Variants in ASTN2 observed in about 807,000 individuals in gnomAD.
ASTN2 encodes the protein astrotactin 2, also known as astrotactin-2.
ASTN2 carries 54 observed loss-of-function variants against 139.8 expected under a neutral mutation model. The observed-to-expected ratio is 0.39, with a 90% CI of 0.31 to 0.48. ASTN2 has a LOEUF of 0.48. ASTN2 is among the 20% of genes least tolerant of loss of function. The pLI is 0.95. For synonymous variants in ASTN2, 756 were observed against 719.5 expected (o/e 1.05, Z -0.81); for missense variants, 1,565 against 1,725.1 (o/e 0.91, Z 1.64).
chr9:116,903,632 T>C (rs1295443165), intron 10 of ASTN2, among the ~76,000 whole-genome samples: 1 of 152,200 alleles, frequency 6.6e-6, no homozygotes, highest in Non-Finnish European at 1.5e-5. Flanking sequence ...CCTCCTCTTC[T>C]GGATATGAGA....
chr9:117,305,328 G>A (rs1464897474), intron 1 of ASTN2, among the ~76,000 whole-genome samples: 1 of 152,170 alleles, frequency 6.6e-6, no homozygotes, highest in African/African-American at 2.4e-5. Flanking sequence ...AATGTTCCCT[G>A]TGCAAAAGTC....
chr9:116,809,249 T>C (rs1342133262), intron 12 of ASTN2, among the ~76,000 whole-genome samples: 2 of 152,218 alleles, frequency 1.3e-5, no homozygotes, highest in African/African-American at 2.4e-5. Context: ...TTAATATGCA[T>C]GGCATTTAGT....
intron 13 of ASTN2, among the ~76,000 whole-genome samples, chr9:116,762,395 A>C (rs2132170078): frequency 6.6e-6 from 1 of 152,224 alleles, no homozygotes; most frequent in East Asian, 1.9e-4. Context: ...ACTAATTTGG[A>C]TAATTGACAC....
At chr9:116,940,508 G>A (rs1268157100) in intron 10 of ASTN2, among the ~76,000 whole-genome samples, 1 of 152,080 alleles carries the variant, frequency 6.6e-6, no homozygotes, top group African/African-American at 2.4e-5. Flanking sequence ...TAATGTGTGT[G>A]TTCATATCTT....
chr9:117,204,857 G>A (rs1220562358), intron 3 of ASTN2, among the ~76,000 whole-genome samples: 2 of 152,172 alleles, frequency 1.3e-5, no homozygotes, highest in African/African-American at 4.8e-5. Context: ...AAATATATAG[G>A]AAGATGTTTT....
intron 13 of ASTN2, among the ~76,000 whole-genome samples, chr9:116,801,955 G>A (rs1830871142): frequency 6.6e-6 from 1 of 152,118 alleles, no homozygotes; most frequent in Admixed American, 6.6e-5. Flanking sequence ...ATCCAGGGTT[G>A]AGAAGTTGGA....
intron 6 of ASTN2, among the ~76,000 whole-genome samples, chr9:117,036,971 G>A (rs561270030): frequency 1.5e-4 from 23 of 152,172 alleles, no homozygotes; most frequent in African/African-American, 5.5e-4. Context: ...ATCTGCCTTA[G>A]TTTTCCTTGA....
chr9:117,263,798 A>G (rs1323804523), intron 2 of ASTN2, among the ~76,000 whole-genome samples: 1 of 152,190 alleles, frequency 6.6e-6, no homozygotes, highest in African/African-American at 2.4e-5. Context: ...TAACACTACA[A>G]CTGAGCACAG....
chr9:117,027,085 G>T (rs1838110058), intron 6 of ASTN2, among the ~76,000 whole-genome samples: 1 of 152,152 alleles, frequency 6.6e-6, no homozygotes, highest in African/African-American at 2.4e-5. Context: ...ATTTAACAAG[G>T]AGACTCGACT....
intron 13 of ASTN2, among the ~76,000 whole-genome samples, chr9:116,775,149 G>T (rs750956449): frequency 1.4e-4 from 21 of 152,110 alleles, no homozygotes; most frequent in Non-Finnish European, 2.5e-4. Flanking sequence ...CAGTCCTGAA[G>T]GGTGGATATG....
At chr9:117,197,018 C>T (rs1196270075) in intron 3 of ASTN2, 2 of 152,152 alleles carry the variant, frequency 1.3e-5, no homozygotes, top group Non-Finnish European at 2.9e-5. Context: ...CACATCTGTC[C>T]TACAGAAATA....
Position 116,878,272 on chromosome 9 carries a change from C to A in ASTN2, c.1890-14539G>T, listed in dbSNP as rs943653079. On this transcript the variant is annotated intron_variant, in intron 10 of 22. Transcript: ENST00000313400. ...TGGCATGTGTATGTTCATTGCAGCA[C>A]TATTCACAATAGCAAAAACATGAAA... Among the ~76,000 whole-genome samples, 3 of 152,148 alleles carry A rather than the reference C, an allele frequency of 2.0e-5. No homozygotes were observed. In the East Asian group the frequency reaches 5.8e-4, roughly 29 times the overall value.
intron 1 of ASTN2, among the ~76,000 whole-genome samples, chr9:117,389,273 C>T (rs755484505): frequency 6.6e-6 from 1 of 152,144 alleles, no homozygotes; most frequent in Admixed American, 6.6e-5. Context: ...CCAACAGTAG[C>T]AGAAGTTGCT....
chr9:117,092,874 G>T (rs1828739874), intron 5 of ASTN2, among the ~76,000 whole-genome samples: 1 of 152,136 alleles, frequency 6.6e-6, no homozygotes, highest in East Asian at 1.9e-4. Flanking sequence ...GTCCAGGCAG[G>T]CCTGGGGGTG....
In ASTN2 at chr9:116,573,291, T is replaced by C. The variant is rs145795361; in HGVS notation, c.3355+45033A>G. On this transcript the variant is annotated intron_variant, in intron 19 of 22. Transcript: ENST00000313400. ...TGAACCAAAAGACCACTTGGCCCAA[T>C]TGGTCGAAAGTGTGTTCTTCAGAAC... Among the ~76,000 whole-genome samples, 428 of 152,272 alleles carry C rather than the reference T, an allele frequency of 2.8e-3. 3 individuals are homozygous for C. Among genetic ancestry groups the C allele is most frequent in the African/African-American group, 9.3e-3 (388 of 41,566 alleles).
chr9:117,096,942 G>T (rs754591233), intron 4 of ASTN2, among the ~76,000 whole-genome samples: 8 of 152,176 alleles, frequency 5.3e-5, no homozygotes, highest in Non-Finnish European at 1.2e-4. Context: ...TGACTGGGAA[G>T]ACACACAGCG....
chr9:116,502,270 A>C (rs1345217527), intron 19 of ASTN2, among the ~76,000 whole-genome samples: 1 of 151,886 alleles, frequency 6.6e-6, no homozygotes, highest in African/African-American at 2.4e-5. Flanking sequence ...ACAAAAAACA[A>C]ACACAGAGAG....
intron 17 of ASTN2, among the ~76,000 whole-genome samples, chr9:116,651,238 C>A (rs186220205): frequency 5.0e-4 from 76 of 152,082 alleles, no homozygotes; most frequent in African/African-American, 1.7e-3. Context: ...TCATAAAGCC[C>A]CCCATCAATC....
At chr9:116,807,357 G>A (rs1284832859) in intron 12 of ASTN2, among the ~76,000 whole-genome samples, 1 of 152,182 alleles carries the variant, frequency 6.6e-6, no homozygotes, top group Non-Finnish European at 1.5e-5. Flanking sequence ...CCTGACCCAA[G>A]ATCACTCTAG....
Sources: allele counts gnomAD v4.1 joint callset (sites outside exome capture counted in the v4.1 genomes callset), GRCh38; gene constraint gnomAD v4.1.1; transcripts MANE v1.5; gene names NCBI Gene and HGNC (gene_info 2026-07-23, HGNC 2026-07-21).